Variants in FASTKD3 observed in about 807,000 individuals in gnomAD.
FASTKD3 encodes the protein FAST kinase domains 3.
Under a neutral mutation model 49.7 loss-of-function variants are expected in FASTKD3, and 47 were observed. The observed-to-expected ratio is 0.95, with a 90% CI of 0.75 to 1.21. FASTKD3 has a LOEUF of 1.21. Ranked by LOEUF, FASTKD3 falls within the 50% of genes most tolerant of loss-of-function variation. The probability of loss-of-function intolerance (pLI) is 0.00; values close to 1 mark genes in which losing one functional copy is unlikely to be tolerated. For synonymous variants in FASTKD3, 284 were observed against 288.6 expected (o/e 0.98, Z 0.16); for missense variants, 748 against 765.7 (o/e 0.98, Z 0.27).
intron 1 of FASTKD3, among the ~76,000 whole-genome samples, chr5:7,868,573 A>G (rs1747244198): frequency 6.6e-6 from 1 of 152,204 alleles, no homozygotes; most frequent in Non-Finnish European, 1.5e-5. Context: ...GGTTAGAGCA[A>G]GGCAAGGGTA....
Position 7,868,017 on chromosome 5 carries a change from C to A in FASTKD3, c.67G>T (p.Ala23Ser). The change falls in exon 2 of 7, where the codon GCT (alanine) becomes TCT (serine). Residue 23 changes from alanine to serine, a missense_variant. Coordinates refer to ENST00000264669, the MANE Select transcript of FASTKD3 (RefSeq NM_024091.4). ...TTTAGAGGTTTATTTTTTAAAGCAG[C>A]CAGAGCTCTATGCATCTGAAAATCA... ...LSDFQMHRAL[A>S]ALKNKPLNHV... The A allele has an allele frequency of 6.2e-7, 1 of 1,613,828 alleles. No homozygotes were observed. Among genetic ancestry groups the A allele is most frequent in the South Asian group, 1.1e-5 (1 of 91,056 alleles).
chr5:7,867,704 T>C lies in FASTKD3; in HGVS notation c.380A>G (p.Asp127Gly), dbSNP rs1393035015. ...TTGTAAAGCTCCTGCTGCCATAGTG[T>C]CAGGCAGGGTTTCCATCGTGCTTAT... ...SFISTMETLP[D>G]TMAAGALQRI... The change falls in exon 2 of 7, where the codon GAC (aspartate) becomes GGC (glycine). Residue 127 changes from aspartate to glycine, a missense_variant. Asp to Gly is a moderately conservative substitution (Grantham distance 94, BLOSUM62 -1). Around this residue, in one of 3 missense-constraint regions of FASTKD3, gnomAD observed 564 missense variants for 562.8 expected, o/e 1.00. Transcript: ENST00000264669. 4 of 1,614,218 alleles carry C rather than the reference T, an allele frequency of 2.5e-6. No homozygotes were observed. The highest frequency in any genetic ancestry group is 8.5e-7 in the Non-Finnish European group (1 of 1,180,036).
In FASTKD3 at chr5:7,867,872, T is replaced by C; in HGVS notation, c.212A>G (p.Asn71Ser). The change falls in exon 2 of 7, where the codon AAT becomes AGT. Residue 71 changes from asparagine to serine, a missense_variant. Physicochemically the swap from Asn to Ser is conservative, Grantham distance 46 (BLOSUM62 1). Around this residue, in one of 3 missense-constraint regions of FASTKD3, gnomAD observed 564 missense variants for 562.8 expected, o/e 1.00. Coordinates refer to ENST00000264669, the MANE Select transcript of FASTKD3 (RefSeq NM_024091.4). ...TGGTCCACCGAGTGGATGAAGGTCA[T>C]TTCCATTTTTCGAATGAAACTTTTT... is the stretch of plus-strand genomic sequence containing the variant. ...HCKKFHSKNG[N>S]DLHPLGGPVF... is the part of the protein sequence containing the mutation. 6.2e-7 allele frequency: 1 copy of C among 1,614,212 alleles called. No individual in the cohort carries two copies. Among genetic ancestry groups the C allele is most frequent in the African/African-American group, 1.3e-5 (1 of 75,060 alleles).
intron 1 of FASTKD3, 121 bp from the exon 2 acceptor site, chr5:7,868,317 T>G (rs958088736): frequency 4.2e-6 from 2 of 471,420 alleles, no homozygotes; most frequent in Non-Finnish European, 7.4e-6. Flanking sequence ...CGCTATTACT[T>G]GCTAAACACT....
At chr5:7,862,266 CTT>C (rs1330229848) in intron 4 of FASTKD3, among the ~76,000 whole-genome samples, 1 of 152,176 alleles carries the variant, frequency 6.6e-6, no homozygotes, top group African/African-American at 2.4e-5. Flanking sequence ...CTTGGAGTCT[CTT>C]GTCAGTGCTG....
Position 7,861,610 on chromosome 5 carries a change from G to T in FASTKD3, c.1742C>A (p.Ser581Tyr). Residue 581 changes from serine (S) to tyrosine (Y), a missense_variant, in exon 5 of 7, where the codon TCC (serine) becomes TAC (tyrosine). Coordinates refer to ENST00000264669, the MANE Select transcript of FASTKD3 (RefSeq NM_024091.4). The part of the protein sequence containing the change: ...KLDEEGFVLP[S>Y]TANEDIHKRI... ...TTTATGGATATCTTCATTAGCTGTG[G>T]ATGGCAATACAAATCCTTCTTCATC... 1 of 1,605,020 alleles carries T rather than the reference G, an allele frequency of 6.2e-7. No homozygotes were observed. The highest frequency in any genetic ancestry group is 1.1e-5 in the South Asian group (1 of 89,042).
In FASTKD3 at chr5:7,861,210, AAGTGTTTGCTATTGG is replaced by A. The variant is rs774049623; in HGVS notation, c.1808_1822del (p.Ser603_His607del). ...TTGTTTAATAGCTTCTTTCCCCAGT[AAGTGTTTGCTATTGG>A]AGCAAAACCTTTTTGGACCATCAAT... On this transcript the variant is annotated inframe_deletion, in exon 6 of 7. Transcript: ENST00000264669. 1 of 1,612,724 alleles carries A rather than the reference AAGTGTTTGCTATTGG, an allele frequency of 6.2e-7. No homozygotes were observed. Among genetic ancestry groups the A allele is most frequent in the South Asian group, 1.1e-5 (1 of 90,832 alleles).
rs1037784687 is a variant in FASTKD3 at position 7,861,070 on chromosome 5, C to G, written c.1884+79G>C. The stretch of plus-strand genomic sequence containing the variant: ...TAAAATTTTACTGTGCCTCAGATTA[C>G]TTTTTAAAAGTAACCTGGAAAAATA... On this transcript the variant is annotated intron_variant, in intron 6 of 6. Transcript: ENST00000264669. 3.4e-6 allele frequency: 3 copies of G among 885,268 alleles called. No homozygotes were observed. The African/African-American group carries it at 5.0e-5, about 15-fold the overall frequency. The allele number at this position is 885,268 out of a possible 1,614,324, so 54.8% of individuals were successfully genotyped here.
chr5:7,866,803 A>C lies in FASTKD3; in HGVS notation c.1281T>G (p.Ala427=), dbSNP rs368966263. ...GCACGTTTTCCAGCTTTCTAAATAA[A>C]GCAGAGGCATTTGGTGGCAAATAAT... ...KLNYLPPNAS[A]LFRKLENVLF... Residue 427 remains alanine (A), a synonymous_variant, in exon 2 of 7, where the codon GCT becomes GCG. Coordinates refer to ENST00000264669, the MANE Select transcript of FASTKD3 (RefSeq NM_024091.4). 79 of 1,614,108 alleles carry C rather than the reference A, an allele frequency of 4.9e-5. No individual in the cohort carries two copies. In the South Asian group the frequency reaches 8.7e-4, roughly 18 times the overall value.
At position 7,859,475 on chromosome 5, in the gene FASTKD3, T is replaced by C. The variant is rs771274326; in HGVS notation, c.1949A>G (p.Lys650Arg). 17 of 1,607,586 alleles carry C rather than the reference T, an allele frequency of 1.1e-5. No homozygotes were observed. Among genetic ancestry groups the C allele is most frequent in the African/African-American group, 2.7e-5 (2 of 74,632 alleles). ...RRELVEYLQR[K>R]LFSQNTVHWL... ...ATGAACAGTGTTTTGAGAAAACAGT[T>C]TTCTTTGTAAATATTCCACCAATTC... Residue 650 changes from lysine (K) to arginine (R), a missense_variant, in exon 7 of 7, where the codon AAA becomes AGA. Physicochemically the swap from Lys to Arg is conservative, Grantham distance 26 (BLOSUM62 2). Transcript: ENST00000264669.
rs375912246 is a variant in FASTKD3, at chr5:7,861,145, G to A, written c.1884+4C>T. 1.2e-5 allele frequency: 18 copies of A among 1,557,222 alleles called. No homozygotes were observed. The highest frequency in any genetic ancestry group is 6.8e-5 in the African/African-American group (5 of 73,490). ...GGAAACAAAAAAAATAGGTGAAACC[G>A]TACCTGAACAACTTGATAACCGAGT... is the stretch of plus-strand genomic sequence containing the variant. On this transcript the variant is annotated splice_donor_region_variant and intron_variant, in intron 6 of 6. Coordinates refer to ENST00000264669, the MANE Select transcript of FASTKD3 (RefSeq NM_024091.4).
In FASTKD3 at chr5:7,868,056, G is replaced by A; in HGVS notation, c.28C>T (p.Leu10Phe). ...ATCTGAAAATCAGATAAACGATAAAGGTTCTTCCTCAAGGTGATTAATGCC... is the reference window on the plus strand; with the variant it reads ...ATCTGAAAATCAGATAAACGATAAAAGTTCTTCCTCAAGGTGATTAATGCC... MALITLRKN[L>F]YRLSDFQMHR... Residue 10 changes from leucine (L) to phenylalanine (F), a missense_variant, in exon 2 of 7, where the codon CTT (leucine) becomes TTT (phenylalanine). Physicochemically the swap from Leu to Phe is conservative, Grantham distance 22. Transcript: ENST00000264669. The A allele has an allele frequency of 6.2e-7, 1 of 1,611,572 alleles. No individual in the cohort carries two copies. The highest frequency in any genetic ancestry group is 1.3e-5 in the African/African-American group (1 of 74,804).
At position 7,867,773 on chromosome 5, in the gene FASTKD3, C is replaced by G. The variant is rs369497874; in HGVS notation, c.311G>C (p.Arg104Thr). The G allele has an allele frequency of 1.2e-6, 2 of 1,614,078 alleles. No individual in the cohort carries two copies. The highest frequency in any genetic ancestry group is 2.7e-5 in the African/African-American group (2 of 74,924). ...TGATGAAGTCAAGTTGCTCAGTCTC[C>G]TGTAAAACATCTGACTCTCCTCATT... ...VKNEESQMFY[R>T]RLSNLTSSEE... is the part of the protein sequence containing the mutation. Residue 104 changes from arginine (R) to threonine (T), a missense_variant, in exon 2 of 7, where the codon AGG becomes ACG. Coordinates refer to ENST00000264669, the MANE Select transcript of FASTKD3 (RefSeq NM_024091.4).
chr5:7,863,047 C>A, intron 3 of FASTKD3, 50 bp from the exon 4 acceptor site: 1 of 1,508,226 alleles, frequency 6.6e-7, no homozygotes, highest in Non-Finnish European at 9.1e-7. Context: ...GATATAACAA[C>A]AGAGAATAAA....
At chr5:7,868,898 G>A (rs1339291296) in intron 1 of FASTKD3, 81 bp downstream of exon 1, 1 of 589,044 alleles carries the variant, frequency 1.7e-6, no homozygotes. Context: ...CGGGCCGGGC[G>A]GCGCAGCCTG....
At chr5:7,861,897 G>A (rs1746574365) in intron 4 of FASTKD3, 1 of 552,226 alleles carries the variant, frequency 1.8e-6, no homozygotes, top group South Asian at 4.7e-5. Flanking sequence ...GGGTTCTGAA[G>A]TTATCTGGGG....
At position 7,868,024 on chromosome 5, in the gene FASTKD3, T is replaced by G. The variant is rs766064274; in HGVS notation, c.60A>C (p.Arg20Ser). ...GTTTATTTTTTAAAGCAGCCAGAGC[T>G]CTATGCATCTGAAAATCAGATAAAC... ...LYRLSDFQMH[R>S]ALAALKNKPL... Residue 20 changes from arginine (R) to serine (S), a missense_variant, in exon 2 of 7, where the codon AGA becomes AGC. Arg to Ser is a moderately radical substitution (Grantham distance 110, BLOSUM62 -1). This residue lies in a region of FASTKD3 where 564 missense variants were observed against 562.8 expected (regional missense o/e 1.00). Coordinates refer to ENST00000264669, the MANE Select transcript of FASTKD3 (RefSeq NM_024091.4). 2 of 1,613,562 alleles carry G rather than the reference T, an allele frequency of 1.2e-6. No homozygotes were observed. The highest frequency in any genetic ancestry group is 1.7e-5 in the Admixed American group (1 of 59,928).
chr5:7,861,326 AT>A, intron 5 of FASTKD3, 63 bp from the exon 6 acceptor site: 1 of 955,810 alleles, frequency 1.0e-6, no homozygotes, highest in Non-Finnish European at 1.5e-6. Flanking sequence ...TTTATTATAT[AT>A]TTTAGTTGCC....
intron 4 of FASTKD3, 111 bp downstream of exon 4, chr5:7,862,712 C>G: frequency 1.1e-6 from 1 of 909,626 alleles, no homozygotes; most frequent in Non-Finnish European, 1.7e-6. Context: ...AGGGAAGGGA[C>G]CATTCCATTT....
Sources: gnomAD v4.1 joint callset for allele counts (sites outside exome capture counted in the v4.1 genomes callset) on GRCh38, gnomAD v4.1.1 for gene constraint, gnomAD v4.1.1 regional missense constraint, MANE v1.5 for transcripts, NCBI Gene and HGNC (gene_info 2026-07-23, HGNC 2026-07-21) for gene names.